NR2C2: variants seen among roughly 807,000 people sequenced by gnomAD.
NR2C2 encodes nuclear receptor subfamily 2 group C member 2, also known as Nuclear hormone receptor TR4.
NR2C2 carries 6 observed loss-of-function variants against 62.9 expected under a neutral mutation model. That is an observed-to-expected ratio of 0.10 (90% CI 0.05 to 0.19). The LOEUF (loss-of-function observed/expected upper bound fraction) is 0.19, where lower values mean the gene tolerates loss of function less well. NR2C2 is among the 10% of genes least tolerant of loss of function. The pLI is 1.00. For synonymous variants in NR2C2, 272 were observed against 273.8 expected (o/e 0.99, Z 0.07); for missense variants, 479 against 762.7 (o/e 0.63, Z 4.38).
intron 1 of NR2C2, among the ~76,000 whole-genome samples, chr3:15,000,276 T>C (rs1210888523): frequency 6.6e-6 from 1 of 152,228 alleles, no homozygotes; most frequent in Non-Finnish European, 1.5e-5. Flanking sequence ...TATTTGTCTT[T>C]CTGTGCCTGG....
At chr3:14,975,288 C>T (rs757980385) in intron 1 of NR2C2, among the ~76,000 whole-genome samples, 5 of 152,096 alleles carry the variant, frequency 3.3e-5, no homozygotes, top group Non-Finnish European at 7.4e-5. Flanking sequence ...TGTCTTGTTC[C>T]TTATCTTAGA....
At chr3:15,023,368 G>T in intron 6 of NR2C2, 21 bp downstream of exon 6, 1 of 1,613,152 alleles carries the variant, frequency 6.2e-7, no homozygotes. Flanking sequence ...TGTTCTCACT[G>T]CAATCAGCCT....
At chr3:14,995,789 TC>T (rs1456235508) in intron 1 of NR2C2, among the ~76,000 whole-genome samples, 2 of 152,182 alleles carry the variant, frequency 1.3e-5, no homozygotes, top group Admixed American at 1.3e-4. Context: ...CATTTTATGT[TC>T]CCACCAGCTG....
Position 15,023,231 on chromosome 3 carries a change from G to A in NR2C2, c.588G>A (p.Val196=). The part of the protein sequence containing the change: ...SVQSERKPFD[V]QREKPSNCAA... ...AGAGTGAACGGAAGCCCTTCGATGT[G>A]CAACGGGAGAAACCAAGCAATTGTG... Residue 196 remains valine (V), a synonymous_variant, in exon 6 of 14, where the codon GTG becomes GTA. Transcript: ENST00000425241. The A allele has an allele frequency of 6.2e-7, 1 of 1,614,214 alleles. No individual in the cohort carries two copies. Among genetic ancestry groups the A allele is most frequent in the African/African-American group, 1.3e-5 (1 of 75,062 alleles).
At chr3:15,019,794 TG>T (rs1388066410) in intron 4 of NR2C2, among the ~76,000 whole-genome samples, 1 of 152,194 alleles carries the variant, frequency 6.6e-6, no homozygotes, top group Non-Finnish European at 1.5e-5. Flanking sequence ...ACTGACCAAC[TG>T]GTACAAAGTT....
intron 1 of NR2C2, among the ~76,000 whole-genome samples, chr3:14,952,665 C>T (rs1054412408): frequency 6.6e-6 from 1 of 152,156 alleles, no homozygotes; most frequent in Non-Finnish European, 1.5e-5. Flanking sequence ...TACATTTGTG[C>T]TCCTGTTACA....
rs761643743 is a variant in NR2C2 at position 14,995,320 on chromosome 3, CAAAA to C, written c.-39-8542_-39-8539del. On this transcript the variant is annotated intron_variant, in intron 1 of 13. Transcript: ENST00000425241. The stretch of plus-strand genomic sequence containing the variant: ...TTTCAGAACATTTTCTTTACCCCCT[CAAAA>C]AAAAAAAAAAAAACCCCACACTCCT... Among the ~76,000 whole-genome samples the C allele has an allele frequency of 2.4e-4, 28 of 118,082 alleles. 3 individuals carry two copies. In the South Asian group the frequency reaches 3.0e-3, roughly 13 times the overall value. 77.5% of individuals were successfully genotyped at this position (118,082 alleles called of 152,430 possible).
At chr3:15,020,567 T>C (rs1250886401) in intron 4 of NR2C2, among the ~76,000 whole-genome samples, 186 bp from the exon 5 acceptor site, 1 of 152,208 alleles carries the variant, frequency 6.6e-6, no homozygotes, top group East Asian at 1.9e-4. Flanking sequence ...ACTTGAAAGA[T>C]GGTAGAGAAA....
intron 1 of NR2C2, among the ~76,000 whole-genome samples, chr3:14,970,907 C>T (rs951127018): frequency 1.3e-5 from 2 of 152,166 alleles, no homozygotes; most frequent in Non-Finnish European, 2.9e-5. Context: ...AAGCCATATG[C>T]ATTTGGTAGA....
At chr3:15,017,244 G>A (rs989585761) in intron 4 of NR2C2, among the ~76,000 whole-genome samples, 2 of 152,156 alleles carry the variant, frequency 1.3e-5, no homozygotes, top group Admixed American at 6.5e-5. Flanking sequence ...TGCCAATGGT[G>A]CCTGCCTCTG....
chr3:15,042,701 AAG>A lies in NR2C2; in HGVS notation c.1617-128_1617-127del, dbSNP rs1361364473. ...ATAAGAGGAACTGTTGAAATCAGAA[AAG>A]AGAGGTGGGTGGATGGTGGATCCGT... On this transcript the variant is annotated intron_variant, in intron 13 of 13. Transcript: ENST00000425241. The A allele has an allele frequency of 1.2e-5, 9 of 723,014 alleles. No individual in the cohort carries two copies. In the Admixed American group the frequency reaches 2.2e-4, roughly 18 times the overall value. 44.8% of individuals were successfully genotyped at this position (723,014 alleles called of 1,614,324 possible).
At chr3:15,017,795 C>G (rs1051100843) in intron 4 of NR2C2, among the ~76,000 whole-genome samples, 1 of 152,226 alleles carries the variant, frequency 6.6e-6, no homozygotes, top group African/African-American at 2.4e-5. Flanking sequence ...GTTTTGCATA[C>G]TAGAGCTTAG....
chr3:15,015,800 G>A (rs2041492444), intron 3 of NR2C2, among the ~76,000 whole-genome samples: 1 of 152,102 alleles, frequency 6.6e-6, no homozygotes, highest in Non-Finnish European at 1.5e-5. Flanking sequence ...AGTGATCTGG[G>A]TTTTTGCTTG....
intron 1 of NR2C2, among the ~76,000 whole-genome samples, chr3:14,966,094 A>G (rs999976807): frequency 1.3e-5 from 2 of 152,266 alleles, no homozygotes; most frequent in Admixed American, 6.5e-5. Flanking sequence ...GAGGGCCTAC[A>G]CTTTATCATT....
chr3:14,947,690 C>CGCGACCCCGGCG lies in NR2C2; in HGVS notation c.-252_-241dup, dbSNP rs2039159252. ...AAACAATAACAAACCCCCCCTTCTC[C>CGCGACCCCGGCG]GCGACCCCGGCGGCGCCCCCGGGCC... On this transcript the variant is annotated 5_prime_UTR_variant, in exon 1 of 14. Coordinates refer to ENST00000425241, the MANE Select transcript of NR2C2 (RefSeq NM_001291694.2). The CGCGACCCCGGCG allele has an allele frequency of 6.7e-6, 1 of 149,784 alleles. No homozygotes were observed. Among genetic ancestry groups the CGCGACCCCGGCG allele is most frequent in the African/African-American group, 2.5e-5 (1 of 40,788 alleles). The allele number at this position is 149,784 out of a possible 1,614,324, so 9.3% of individuals were successfully genotyped here.
chr3:15,026,317 C>G (rs2041821423), intron 7 of NR2C2: 1 of 152,210 alleles, frequency 6.6e-6, no homozygotes, highest in Non-Finnish European at 1.5e-5. Context: ...GCCACTACCC[C>G]TGGCTTTCTT....
chr3:14,982,606 A>G (rs1449822142), intron 1 of NR2C2, among the ~76,000 whole-genome samples: 1 of 151,960 alleles, frequency 6.6e-6, no homozygotes, highest in Non-Finnish European at 1.5e-5. Context: ...TTGAAATTTT[A>G]TTTTCTCTCA....
intron 1 of NR2C2, among the ~76,000 whole-genome samples, chr3:14,990,284 C>G (rs1418986173): frequency 1.3e-5 from 2 of 152,044 alleles, no homozygotes. Flanking sequence ...GAAAGGTGAT[C>G]TTTAAGGGGA....
intron 3 of NR2C2, among the ~76,000 whole-genome samples, chr3:15,015,474 A>G (rs1273787477): frequency 1.3e-5 from 2 of 152,176 alleles, no homozygotes; most frequent in African/African-American, 4.8e-5. Context: ...AAGTTTGGTT[A>G]TTTCTCTGCC....
Sources: allele counts gnomAD v4.1 joint callset (sites outside exome capture counted in the v4.1 genomes callset), GRCh38; gene constraint gnomAD v4.1.1; transcripts MANE v1.5; gene names NCBI Gene and HGNC (gene_info 2026-07-23, HGNC 2026-07-21).